Variants in TGM3 observed in about 807,000 individuals in gnomAD.
TGM3 encodes transglutaminase 3.
A neutral mutation model predicts 73.8 loss-of-function variants in TGM3; 52 were observed. That is an observed-to-expected ratio of 0.70 (90% CI 0.56 to 0.89). TGM3 has a LOEUF of 0.89. TGM3 is among the 40% of genes least tolerant of loss of function. TGM3 has a pLI of 0.00. For missense variants in TGM3, 928 were observed against 909.9 expected, an observed-to-expected ratio of 1.02 and a Z score of -0.26; for synonymous variants, 372 against 354.9, an observed-to-expected ratio of 1.05 and a Z score of -0.54.
At chr20:2,312,314 T>C (rs1267213470) in intron 4 of TGM3, among the ~76,000 whole-genome samples, 2 of 141,186 alleles carry the variant, frequency 1.4e-5, no homozygotes, top group Non-Finnish European at 3.0e-5. Flanking sequence ...GCGGGAGAAT[T>C]ACTTCCCAGG....
intron 1 of TGM3, among the ~76,000 whole-genome samples, chr20:2,296,881 A>G (rs2084111604): frequency 6.6e-6 from 1 of 152,226 alleles, no homozygotes; most frequent in Admixed American, 6.5e-5. Flanking sequence ...CAAACAAGAT[A>G]TGAGTCAAAC....
chr20:2,338,149 G>A (rs2084361606), intron 11 of TGM3, among the ~76,000 whole-genome samples: 1 of 152,072 alleles, frequency 6.6e-6, no homozygotes, highest in Non-Finnish European at 1.5e-5. Context: ...ATCTAACCTG[G>A]TACTGACTGG....
At chr20:2,318,747 C>T (rs956029390) in intron 7 of TGM3, among the ~76,000 whole-genome samples, 4 of 152,152 alleles carry the variant, frequency 2.6e-5, no homozygotes, top group African/African-American at 9.7e-5. Context: ...AGATAGTCTA[C>T]ATAAAATGTT....
At chr20:2,323,944 A>G (rs1472949453) in intron 7 of TGM3, among the ~76,000 whole-genome samples, 1 of 152,162 alleles carries the variant, frequency 6.6e-6, no homozygotes, top group Non-Finnish European at 1.5e-5. Flanking sequence ...CACTTAGTTC[A>G]AGGAAAGTAT....
At chr20:2,303,879 A>G (rs917316349) in intron 1 of TGM3, among the ~76,000 whole-genome samples, 10 of 152,158 alleles carry the variant, frequency 6.6e-5, no homozygotes, top group African/African-American at 1.9e-4. Context: ...CAGAGTTTGG[A>G]GATGTCACAC....
intron 5 of TGM3, among the ~76,000 whole-genome samples, chr20:2,314,014 A>C (rs56043837): frequency 0.026 from 4,003 of 151,912 alleles, 166 homozygotes; most frequent in African/African-American, 0.09. Flanking sequence ...ACAACAACAA[A>C]AAAAAATTAG....
In TGM3 at chr20:2,339,840, C is replaced by T; in HGVS notation, c.1801-14C>T. ...CAGCTGGAGTCCTGACTCGGCAGCC[C>T]CTCTCCCCCATAGGTGCTGAACGAG... On this transcript the variant is annotated splice_polypyrimidine_tract_variant and intron_variant, in intron 11 of 12. Coordinates refer to ENST00000381458, the MANE Select transcript of TGM3 (RefSeq NM_003245.4). 6.2e-7 allele frequency: 1 copy of T among 1,613,874 alleles called. No homozygotes were observed.
chr20:2,338,783 T>C (rs2084364559), intron 11 of TGM3, among the ~76,000 whole-genome samples: 1 of 152,252 alleles, frequency 6.6e-6, no homozygotes, highest in Non-Finnish European at 1.5e-5. Context: ...AGCCATAAAA[T>C]GTCCATTTCT....
In TGM3 at chr20:2,340,451, C is replaced by T. The variant is rs771056591; in HGVS notation, c.1952C>T (p.Pro651Leu). ...CCCATCAGCGTGCCGACCCTAGGGC[C>T]CAAGGAGGGGTCCCGGGTCCGTTTT... ...NLKIDVPTLG[P>L]KEGSRVRFDI... The change falls in exon 13 of 13, where the codon CCC (proline) becomes CTC (leucine). Residue 651 changes from proline to leucine, a missense_variant. Physicochemically the swap from Pro to Leu is moderately conservative, Grantham distance 98. Coordinates refer to ENST00000381458, the MANE Select transcript of TGM3 (RefSeq NM_003245.4). The T allele has an allele frequency of 6.2e-7, 1 of 1,614,014 alleles. No individual in the cohort carries two copies. The highest frequency in any genetic ancestry group is 1.1e-5 in the South Asian group (1 of 91,076).
intron 11 of TGM3, among the ~76,000 whole-genome samples, chr20:2,337,157 T>G (rs1600710515): frequency 6.6e-6 from 1 of 152,174 alleles, no homozygotes; most frequent in Non-Finnish European, 1.5e-5. Context: ...AAAAGAGAAA[T>G]AGCCCCTTGC....
At chr20:2,316,636 C>T (rs73587008) in intron 5 of TGM3, among the ~76,000 whole-genome samples, 4,161 of 151,844 alleles carry the variant, frequency 0.027, 106 homozygotes, top group African/African-American at 0.064. Context: ...GTGATCTTTT[C>T]GTAAGACCAT....
intron 1 of TGM3, among the ~76,000 whole-genome samples, chr20:2,304,068 A>G (rs994793022): frequency 4.6e-5 from 7 of 152,316 alleles, no homozygotes; most frequent in Middle Eastern, 6.8e-3. Flanking sequence ...CAGACTGTGC[A>G]GAAGACATAA....
At chr20:2,302,498 G>C (rs1459585397) in intron 1 of TGM3, among the ~76,000 whole-genome samples, 1 of 152,098 alleles carries the variant, frequency 6.6e-6, no homozygotes, top group Admixed American at 6.6e-5. Flanking sequence ...CCTGGAACCA[G>C]GCAGTTCTGG....
intron 11 of TGM3, 115 bp from the exon 12 acceptor site, chr20:2,339,739 C>G: frequency 2.1e-6 from 3 of 1,441,768 alleles, no homozygotes; most frequent in South Asian, 1.3e-5. Context: ...GTCTCCCCTT[C>G]TTCATCCTCA....
At chr20:2,315,530 G>A (rs1036671956) in intron 5 of TGM3, among the ~76,000 whole-genome samples, 5 of 152,214 alleles carry the variant, frequency 3.3e-5, no homozygotes, top group African/African-American at 1.2e-4. Context: ...CCTGTCCTGG[G>A]CAAGGATCCC....
chr20:2,321,564 T>C (rs1255780813), intron 7 of TGM3, among the ~76,000 whole-genome samples: 7 of 152,198 alleles, frequency 4.6e-5, no homozygotes, highest in Non-Finnish European at 1.0e-4. Flanking sequence ...TGTAGAGCAG[T>C]GTTTTATAAA....
intron 3 of TGM3, 151 bp downstream of exon 3, chr20:2,310,568 C>T: frequency 7.8e-7 from 1 of 1,288,682 alleles, no homozygotes; most frequent in Non-Finnish European, 1.1e-6. Context: ...GGAGCTCTGA[C>T]ACTTAAGCAG....
chr20:2,335,467 G>A (rs532529260), intron 11 of TGM3, among the ~76,000 whole-genome samples, 194 bp downstream of exon 11: 6 of 152,226 alleles, frequency 3.9e-5, no homozygotes, highest in South Asian at 2.1e-4. Flanking sequence ...ACTCAGGCCC[G>A]TGTTCCTGCT....
chr20:2,309,066 AT>A lies in TGM3; in HGVS notation c.8-590del, dbSNP rs370851049. On this transcript the variant is annotated intron_variant, in intron 1 of 12. Coordinates refer to ENST00000381458, the MANE Select transcript of TGM3 (RefSeq NM_003245.4). The stretch of plus-strand genomic sequence containing the variant: ...CTAATTATTTGTATTTTTAGTAGAG[AT>A]GGGGTTTCACCATGTTGGCCAGTCT... Among the ~76,000 whole-genome samples, 305 of 152,226 alleles carry A rather than the reference AT, an allele frequency of 2.0e-3. 7 individuals are homozygous for A. The South Asian group carries it at 0.062, about 31-fold the overall frequency.
Sources: gnomAD v4.1 joint callset for allele counts (sites outside exome capture counted in the v4.1 genomes callset) on GRCh38, gnomAD v4.1.1 for gene constraint, MANE v1.5 for transcripts, NCBI Gene and HGNC (gene_info 2026-07-23, HGNC 2026-07-21) for gene names.